GARIN2: variants seen among roughly 807,000 people sequenced by gnomAD.
GARIN2 encodes the protein Golgi-associated RAB2 interactor protein 2.
chr14:67,205,191 G>T, the GARIN2 span: 1 of 1,176,364 alleles, frequency 8.5e-7, no homozygotes, highest in African/African-American at 1.6e-5. Flanking sequence ...AAAATGCTAT[G>T]GAACCTACCT....
the GARIN2 span, among the ~76,000 whole-genome samples, chr14:67,193,304 A>G: frequency 7.7e-6 from 1 of 130,582 alleles, no homozygotes; most frequent in Non-Finnish European, 1.7e-5. Context: ...CTATCTATAT[A>G]TCTCTATATA....
At chr14:67,199,425 C>G in the GARIN2 span, 1 of 1,613,400 alleles carries the variant, frequency 6.2e-7, no homozygotes, top group South Asian at 1.1e-5. Context: ...ACTTTCAGCG[C>G]CTTTGGGGTC....
At chr14:67,202,769 T>A in the GARIN2 span, among the ~76,000 whole-genome samples, 23 of 152,210 alleles carry the variant, frequency 1.5e-4, no homozygotes, top group Admixed American at 7.9e-4. Flanking sequence ...TCACTGCCTG[T>A]CTCCCCACTC....
chr14:67,224,087 A>T, the GARIN2 span: 1 of 801,440 alleles, frequency 1.2e-6, no homozygotes, highest in South Asian at 5.7e-5. Flanking sequence ...TCTCAAATTC[A>T]TCTCTCAAAC....
chr14:67,224,644 G>A, the GARIN2 span: 1 of 300,066 alleles, frequency 3.3e-6, no homozygotes, highest in Non-Finnish European at 6.5e-6. Context: ...TTTACAGTGA[G>A]CCCAAATTAT....
the GARIN2 span, chr14:67,204,979 G>A: frequency 1.3e-6 from 2 of 1,579,168 alleles, no homozygotes; most frequent in African/African-American, 2.7e-5. Flanking sequence ...AGAAGTCATA[G>A]AAGTCAGAGA....
the GARIN2 span, chr14:67,200,255 C>A: frequency 3.4e-6 from 3 of 869,910 alleles, no homozygotes; most frequent in African/African-American, 3.5e-5. Flanking sequence ...ACCAGCCTCT[C>A]CCTCCAACCA....
chr14:67,189,941 A>G, the GARIN2 span, among the ~76,000 whole-genome samples: 1 of 149,786 alleles, frequency 6.7e-6, no homozygotes, highest in African/African-American at 2.5e-5. Context: ...CCTGGGTTCA[A>G]GTGATTCTCC....
the GARIN2 span, chr14:67,200,700 C>T: frequency 6.3e-5 from 10 of 158,256 alleles, no homozygotes; most frequent in African/African-American, 1.7e-4. Flanking sequence ...GTCCCTAGAA[C>T]GCATGTGACA....
chr14:67,189,737 C>T, the GARIN2 span: 11 of 152,078 alleles, frequency 7.2e-5, no homozygotes, highest in Admixed American at 5.9e-4. Context: ...GCTGAAAAGC[C>T]GAGAGACTTA....
the GARIN2 span, chr14:67,204,815 C>G: frequency 6.2e-7 from 1 of 1,613,952 alleles, no homozygotes; most frequent in South Asian, 1.1e-5. Flanking sequence ...ACGTTCACAG[C>G]CATCCTGACC....
At chr14:67,224,796 C>CAGA in the GARIN2 span, 1 of 250,592 alleles carries the variant, frequency 4.0e-6, no homozygotes, top group African/African-American at 2.3e-5. Context: ...TTTCCATGTT[C>CAGA]CTCTTAAATA....
At chr14:67,194,438 C>CGT in the GARIN2 span, among the ~76,000 whole-genome samples, 31 of 150,848 alleles carry the variant, frequency 2.1e-4, 2 homozygotes, top group South Asian at 1.1e-3. Context: ...ATGAGGGGGG[C>CGT]GTGTGTGTGT....
At chr14:67,197,126 G>A in the GARIN2 span, 1 of 152,190 alleles carries the variant, frequency 6.6e-6, no homozygotes, top group African/African-American at 2.4e-5. Flanking sequence ...ACAAGATCTT[G>A]CTATGTTGCC....
the GARIN2 span, chr14:67,200,373 G>A: frequency 1.6e-5 from 10 of 621,142 alleles, no homozygotes; most frequent in African/African-American, 7.8e-5. Context: ...ATATCTTTTC[G>A]ATACCTTGGA....
chr14:67,216,659 C>A, the GARIN2 span, among the ~76,000 whole-genome samples: 2 of 152,048 alleles, frequency 1.3e-5, no homozygotes, highest in East Asian at 3.8e-4. Context: ...TTCCTTCACC[C>A]ATTGGTCATT....
the GARIN2 span, among the ~76,000 whole-genome samples, chr14:67,214,667 A>T: frequency 6.6e-6 from 1 of 151,850 alleles, no homozygotes; most frequent in Non-Finnish European, 1.5e-5. Flanking sequence ...TTGGTTCCAT[A>T]TGAACTTTAA....
chr14:67,213,187 A>G, the GARIN2 span, among the ~76,000 whole-genome samples: 4 of 149,294 alleles, frequency 2.7e-5, no homozygotes, highest in Middle Eastern at 3.4e-3. Context: ...ATTATACTTT[A>G]AGTTTTAGGG....
the GARIN2 span, among the ~76,000 whole-genome samples, chr14:67,190,443 G>A: frequency 3.3e-5 from 5 of 150,140 alleles, no homozygotes; most frequent in South Asian, 2.1e-4. Flanking sequence ...GGCTGGTCTC[G>A]AACTCCTGAC....
Sources: allele counts gnomAD v4.1 joint callset (sites outside exome capture counted in the v4.1 genomes callset), GRCh38; gene constraint gnomAD v4.1.1; transcripts MANE v1.5; gene names NCBI Gene and HGNC (gene_info 2026-07-23, HGNC 2026-07-21).